The following CSMD2 variants were observed in gnomAD, a reference collection of about 807,000 sequenced individuals.
CSMD2 encodes the protein CUB and sushi domain-containing protein 2.
CSMD2 carries 130 observed loss-of-function variants against 398.5 expected under a neutral mutation model. That is an observed-to-expected ratio of 0.33 (90% CI 0.28 to 0.38). The LOEUF (loss-of-function observed/expected upper bound fraction) is 0.38. CSMD2 is among the 10% of genes least tolerant of loss of function. CSMD2 has a pLI of 1.00. For missense variants in CSMD2, 3,829 were observed against 4,764.9 expected (o/e 0.80, Z 5.78); for synonymous variants, 1,828 against 1,908.5 (o/e 0.96, Z 1.10).
At chr1:33,950,122 T>C (rs1434611250) in intron 3 of CSMD2, among the ~76,000 whole-genome samples, 1 of 152,070 alleles carries the variant, frequency 6.6e-6, no homozygotes, top group Non-Finnish European at 1.5e-5. Flanking sequence ...GGCCCTACCC[T>C]ATCTCAGTTT....
In CSMD2 at chr1:34,155,330, G is replaced by A. The variant is rs143854221; in HGVS notation, c.187+9581C>T. ...TCCATGTTCCTTAGAACAAAATATC[G>A]TAGGAGATGTGAGTCCCAGAGGTTC... On this transcript the variant is annotated intron_variant, in intron 1 of 70. Transcript: ENST00000373381. 1.8e-3 allele frequency among the ~76,000 whole-genome samples: 279 copies of A among 152,254 alleles called. 3 individuals carry two copies. The highest frequency in any genetic ancestry group is 6.2e-3 in the African/African-American group (257 of 41,546).
intron 5 of CSMD2, among the ~76,000 whole-genome samples, chr1:33,891,313 G>A (rs1377470121): frequency 2.6e-5 from 4 of 151,230 alleles, no homozygotes; most frequent in Non-Finnish European, 5.9e-5. Flanking sequence ...CACCATCACT[G>A]GCCATCAGAG....
At chr1:33,534,581 T>G (rs1368948409) in intron 62 of CSMD2, among the ~76,000 whole-genome samples, 6 of 152,110 alleles carry the variant, frequency 3.9e-5, no homozygotes, top group Admixed American at 3.9e-4. Flanking sequence ...CCCAATCCAC[T>G]TGGTGTAATG....
chr1:33,626,250 C>T (rs563264852), intron 33 of CSMD2, among the ~76,000 whole-genome samples: 79 of 152,342 alleles, frequency 5.2e-4, no homozygotes, highest in Non-Finnish European at 8.4e-4. Flanking sequence ...AAACTGGCTG[C>T]CTTTGTCTGA....
In CSMD2 at chr1:33,580,884, C is replaced by T; in HGVS notation, c.7256G>A (p.Ser2419Asn). The T allele has an allele frequency of 6.2e-7, 1 of 1,614,134 alleles. No homozygotes were observed. The highest frequency in any genetic ancestry group is 8.5e-7 in the Non-Finnish European group (1 of 1,180,024). The change falls in exon 48 of 71, where the codon AGT becomes AAT. Residue 2419 changes from serine to asparagine, a missense_variant. Ser to Asn is a conservative substitution (Grantham distance 46). Around this residue, in one of 5 missense-constraint regions of CSMD2, gnomAD observed 723 missense variants for 758.6 expected, o/e 0.95. Transcript: ENST00000373381. ...CCCACTGAGGGCTTTCAGCAGAGGA[C>T]TCTGTCCTGATGGACCTGGGGTGAG... ...FEIFDGPSGQ[S>N]PLLKALSGNY...
intron 15 of CSMD2, among the ~76,000 whole-genome samples, chr1:33,734,492 A>C (rs776553497): frequency 4.6e-5 from 7 of 152,160 alleles, no homozygotes; most frequent in Non-Finnish European, 8.8e-5. Context: ...AATTTAAAAA[A>C]TGAAAATACA....
chr1:34,124,680 T>A (rs979904945), intron 1 of CSMD2, among the ~76,000 whole-genome samples: 1 of 152,184 alleles, frequency 6.6e-6, no homozygotes, highest in Non-Finnish European at 1.5e-5. Flanking sequence ...TCCCAACTTA[T>A]CATTCCAAGG....
chr1:33,805,796 C>A (rs1307856835), intron 10 of CSMD2, among the ~76,000 whole-genome samples: 2 of 151,836 alleles, frequency 1.3e-5, no homozygotes, highest in Admixed American at 6.6e-5. Context: ...AGGATGAGAG[C>A]CCTCATCAGA....
chr1:33,854,681 C>T (rs1365586562), intron 5 of CSMD2, among the ~76,000 whole-genome samples: 1 of 152,244 alleles, frequency 6.6e-6, no homozygotes, highest in African/African-American at 2.4e-5. Context: ...TTCCCCTTTC[C>T]CCAGAAGCAA....
chr1:33,871,541 T>C (rs1640462814), intron 5 of CSMD2, among the ~76,000 whole-genome samples: 1 of 152,198 alleles, frequency 6.6e-6, no homozygotes. Context: ...GGGCTGCATC[T>C]GGTGAGAGCC....
At chr1:33,524,150 T>G (rs1486526155) in intron 66 of CSMD2, among the ~76,000 whole-genome samples, 1 of 152,216 alleles carries the variant, frequency 6.6e-6, no homozygotes, top group African/African-American at 2.4e-5. Context: ...TTAAATACAT[T>G]ATAATGAATG....
At chr1:33,981,196 T>C (rs369175786) in intron 3 of CSMD2, among the ~76,000 whole-genome samples, 1 of 152,158 alleles carries the variant, frequency 6.6e-6, no homozygotes, top group East Asian at 1.9e-4. Context: ...TTTGCAGTCC[T>C]TACTCCCGGT....
chr1:34,165,419 G>A (rs375907423), upstream of CSMD2: 4 of 729,820 alleles, frequency 5.5e-6, no homozygotes, highest in South Asian at 9.0e-5. Context: ...ATAAAATATT[G>A]GGGGGCGGGG....
rs1642829362 is a variant in CSMD2 at position 33,636,737 on chromosome 1, A to C, written c.4775-183T>G. 6.6e-6 allele frequency among the ~76,000 whole-genome samples: 1 copy of C among 152,192 alleles called. No homozygotes were observed. Among genetic ancestry groups the C allele is most frequent in the South Asian group, 2.1e-4 (1 of 4,830 alleles). On this transcript the variant is annotated intron_variant, in intron 29 of 70. Coordinates refer to ENST00000373381, the MANE Select transcript of CSMD2 (RefSeq NM_001281956.2). This position sits in a 1 kb window ranked among gnomAD's most constrained non-coding sequence, Gnocchi z 4.8. ...GTCTCTAAATTTGGGTAGAAATTGA[A>C]GGATGGAAATCACATTGAAGAGGGC... is the stretch of plus-strand genomic sequence containing the variant.
chr1:34,061,416 A>G (rs6656164), intron 2 of CSMD2, among the ~76,000 whole-genome samples: 30,108 of 152,070 alleles, frequency 0.2, 3,306 homozygotes, highest in Middle Eastern at 0.27. Context: ...ACAGGGCACC[A>G]AGGCTGCCTC....
chr1:33,534,153 C>G (rs1655537233), intron 62 of CSMD2, among the ~76,000 whole-genome samples: 1 of 152,158 alleles, frequency 6.6e-6, no homozygotes, highest in African/African-American at 2.4e-5. Context: ...GACACGGTGG[C>G]TGATTCAGAG....
intron 13 of CSMD2, among the ~76,000 whole-genome samples, chr1:33,752,837 G>A (rs1426569597): frequency 2.0e-5 from 3 of 152,236 alleles, no homozygotes; most frequent in East Asian, 1.9e-4. Context: ...GGGAATTGGT[G>A]TAGAGGTCAC....
In CSMD2 at chr1:33,533,985, A is replaced by C; in HGVS notation, c.9880-78T>G. ...ACGTCTGTCCCTTGACCACTTTCAC[A>C]TGGCCCAACTCCTCCCGCACTGTTG... is the stretch of plus-strand genomic sequence containing the variant. On this transcript the variant is annotated intron_variant, in intron 62 of 70. Transcript: ENST00000373381. The surrounding 1 kb of genome is among the most constrained non-coding windows in gnomAD (Gnocchi z 4.2). The C allele has an allele frequency of 2.4e-6, 2 of 829,110 alleles. No homozygotes were observed. Among genetic ancestry groups the C allele is most frequent in the Non-Finnish European group, 4.1e-6 (2 of 488,430 alleles). The allele number at this position is 829,110 out of a possible 1,614,324, so 51.4% of individuals were successfully genotyped here. A position where few individuals can be genotyped will look rare whatever the true frequency, so the allele number is the denominator to read the frequency against.
In CSMD2 at chr1:33,577,296, C is replaced by G; in HGVS notation, c.7576G>C (p.Ala2526Pro). 6.2e-7 allele frequency: 1 copy of G among 1,604,286 alleles called. No homozygotes were observed. The highest frequency in any genetic ancestry group is 8.5e-7 in the Non-Finnish European group (1 of 1,173,698). The change falls in exon 49 of 71, where the codon GCT becomes CCT. Residue 2526 changes from alanine to proline, a missense_variant and splice_region_variant. This residue lies in a region of CSMD2 where 723 missense variants were observed against 758.6 expected (regional missense o/e 0.95). Coordinates refer to ENST00000373381, the MANE Select transcript of CSMD2 (RefSeq NM_001281956.2). ...LWSEAIPLCQ[A>P]LSCGLPEAPK... is the part of the protein sequence containing the mutation. ...GACCCCCTTTCCACCTGCTTCTCAC[C>G]TTGACAGAGAGGGATGGCTTCGCTC...
Sources: allele counts gnomAD v4.1 joint callset (sites outside exome capture counted in the v4.1 genomes callset), GRCh38; gene constraint gnomAD v4.1.1; regional missense constraint gnomAD v4.1.1; non-coding constraint Gnocchi (gnomAD v3.1); transcripts MANE v1.5; gene names NCBI Gene and HGNC (gene_info 2026-07-23, HGNC 2026-07-21).